The following VPS13B variants were observed in gnomAD, a reference collection of about 807,000 sequenced individuals.
VPS13B encodes intermembrane lipid transfer protein VPS13B.
In VPS13B, 285 loss-of-function variants were observed where a neutral mutation model predicts 426.4. The observed-to-expected ratio is 0.67, with a 90% CI of 0.61 to 0.74. The LOEUF (loss-of-function observed/expected upper bound fraction) is 0.74. Ranked by LOEUF, VPS13B falls within the 30% of genes least tolerant of loss-of-function variation. The pLI, the probability that VPS13B is intolerant of heterozygous loss-of-function variation, is 0.00. For synonymous variants in VPS13B, 1,676 were observed against 1,676.4 expected (o/e 1.00, Z 0.01); for missense variants, 4,537 against 4,782.6 (o/e 0.95, Z 1.51).
intron 21 of VPS13B, among the ~76,000 whole-genome samples, chr8:99,409,259 G>A (rs1815493265): frequency 6.6e-6 from 1 of 152,138 alleles, no homozygotes; most frequent in African/African-American, 2.4e-5. Flanking sequence ...GCACAGGTCT[G>A]TTTAGTGATG....
intron 23 of VPS13B, among the ~76,000 whole-genome samples, chr8:99,454,663 T>C (rs1179912314): frequency 6.6e-6 from 1 of 152,178 alleles, no homozygotes; most frequent in Non-Finnish European, 1.5e-5. Context: ...GGTACATGCA[T>C]GACTGCCAGA....
chr8:99,560,209 G>A (rs1228122651), intron 31 of VPS13B, among the ~76,000 whole-genome samples: 1 of 152,070 alleles, frequency 6.6e-6, no homozygotes, highest in Non-Finnish European at 1.5e-5. Flanking sequence ...CTCTCTGTTT[G>A]TCTGTTATTG....
chr8:99,513,394 G>A (rs936684796), intron 29 of VPS13B, among the ~76,000 whole-genome samples: 25 of 152,200 alleles, frequency 1.6e-4, no homozygotes, highest in African/African-American at 5.8e-4. Flanking sequence ...TGATATTAGA[G>A]GTGAGAGGGT....
intron 19 of VPS13B, among the ~76,000 whole-genome samples, chr8:99,361,399 A>G (rs1372144712): frequency 1.3e-5 from 2 of 152,092 alleles, no homozygotes; most frequent in Non-Finnish European, 2.9e-5. Context: ...AAACTACTCA[A>G]CTCTGCTGCT....
chr8:99,380,618 G>A (rs1326196952), intron 19 of VPS13B, among the ~76,000 whole-genome samples: 1 of 151,824 alleles, frequency 6.6e-6, no homozygotes, highest in African/African-American at 2.4e-5. Flanking sequence ...GCAAATTTTG[G>A]TTATTTGAAG....
Position 99,779,014 on chromosome 8 carries a change from A to T in VPS13B, c.7762A>T (p.Ile2588Leu). Residue 2588 changes from isoleucine (I) to leucine (L), a missense_variant, in exon 42 of 62, where the codon ATA (isoleucine) becomes TTA (leucine). This residue lies in a region of VPS13B where 4,311 missense variants were observed against 4,474.3 expected (regional missense o/e 0.96). Coordinates refer to ENST00000357162, the MANE Select transcript of VPS13B (RefSeq NM_152564.5). Reference protein sequence around the residue: ...QHVVHSLNTAIQAWQQNKCPE... With the variant: ...QHVVHSLNTALQAWQQNKCPE... ...TGTAGTCCATTCACTAAACACTGCA[A>T]TACAAGCTTGGCAACAGGTATGCAC... The T allele has an allele frequency of 6.2e-7, 1 of 1,613,538 alleles. No individual in the cohort carries two copies. The highest frequency in any genetic ancestry group is 8.5e-7 in the Non-Finnish European group (1 of 1,179,792).
intron 19 of VPS13B, among the ~76,000 whole-genome samples, chr8:99,350,738 G>A (rs1376003773): frequency 2.0e-5 from 3 of 151,964 alleles, no homozygotes; most frequent in Admixed American, 6.6e-5. Flanking sequence ...ACTGTGTGAT[G>A]GCAGGAGGTA....
At chr8:99,101,336 G>A (rs968873268) in intron 4 of VPS13B, among the ~76,000 whole-genome samples, 1 of 152,088 alleles carries the variant, frequency 6.6e-6, no homozygotes. Flanking sequence ...GTTTCACCGT[G>A]TCAGCCAGGA....
intron 3 of VPS13B, among the ~76,000 whole-genome samples, chr8:99,088,183 CA>C (rs1326004820): frequency 0.077 from 5,028 of 64,882 alleles, 61 homozygotes; most frequent in Non-Finnish European, 0.094. Flanking sequence ...GACCCTGTCT[CA>C]AAAAAAAAAA....
At chr8:99,549,960 A>C (rs1363803651) in intron 30 of VPS13B, among the ~76,000 whole-genome samples, 1 of 151,938 alleles carries the variant, frequency 6.6e-6, no homozygotes, top group Non-Finnish European at 1.5e-5. Context: ...TGTCCCTTCT[A>C]TGTGCTTCCA....
At chr8:99,696,472 C>T in intron 35 of VPS13B, 1 of 391,232 alleles carries the variant, frequency 2.6e-6, no homozygotes. Context: ...CGGATCCGCG[C>T]CGACCTCCTC....
intron 8 of VPS13B, among the ~76,000 whole-genome samples, chr8:99,130,059 A>G (rs1428970055): frequency 6.6e-6 from 1 of 152,198 alleles, no homozygotes; most frequent in Non-Finnish European, 1.5e-5. Context: ...CAAAATAGTC[A>G]TTTGTGTATA....
intron 35 of VPS13B, chr8:99,696,584 G>T: frequency 1.8e-6 from 1 of 570,182 alleles, no homozygotes; most frequent in Non-Finnish European, 3.3e-6. Flanking sequence ...CCACGTTTGA[G>T]ACCCAGTCCA....
At chr8:99,274,058 A>C in intron 17 of VPS13B, 140 bp from the exon 18 acceptor site, 1 of 1,218,718 alleles carries the variant, frequency 8.2e-7, no homozygotes, top group Non-Finnish European at 1.2e-6. Context: ...GAAATACTAA[A>C]CTATGAAACC....
rs544326668 is a variant in VPS13B, at chr8:99,800,604, T to C, written c.7942-8771T>C. ...AGTATATTAGTTTTCCCTAATTTAG[T>C]TCACTTAGATTTAATTTTTTTTTAG... On this transcript the variant is annotated intron_variant, in intron 43 of 61. Coordinates refer to ENST00000357162, the MANE Select transcript of VPS13B (RefSeq NM_152564.5). Among the ~76,000 whole-genome samples the C allele has an allele frequency of 1.6e-3, 246 of 152,266 alleles. 1 individual carries two copies. The highest frequency in any genetic ancestry group is 5.5e-3 in the African/African-American group (228 of 41,574).
rs528002940 is a variant in VPS13B at position 99,085,539 on chromosome 8, C to G, written c.292-10773C>G. Among the ~76,000 whole-genome samples the G allele has an allele frequency of 1.2e-4, 18 of 152,256 alleles. No homozygotes were observed. The South Asian group carries it at 3.5e-3, about 30-fold the overall frequency. ...TTTTGTTAGTTGATGGATTTTCTTC[C>G]TAGCATCGATGGTGTTTACAGTCTG... is the stretch of plus-strand genomic sequence containing the variant. On this transcript the variant is annotated intron_variant, in intron 3 of 61. Coordinates refer to ENST00000357162, the MANE Select transcript of VPS13B (RefSeq NM_152564.5).
intron 21 of VPS13B, among the ~76,000 whole-genome samples, chr8:99,418,602 G>T (rs532593043): frequency 6.6e-6 from 1 of 150,664 alleles, no homozygotes; most frequent in Non-Finnish European, 1.5e-5. Flanking sequence ...AGGCTGGAGT[G>T]CATTGGTCCC....
At chr8:99,185,700 A>G (rs752942499) in intron 16 of VPS13B, among the ~76,000 whole-genome samples, 6 of 152,202 alleles carry the variant, frequency 3.9e-5, no homozygotes, top group African/African-American at 1.4e-4. Flanking sequence ...TCAAGTGTAC[A>G]TATGGCAAAA....
chr8:99,803,959 C>G (rs138689860), intron 43 of VPS13B, among the ~76,000 whole-genome samples: 1 of 152,200 alleles, frequency 6.6e-6, no homozygotes, highest in East Asian at 1.9e-4. Context: ...ACTGCAGTAT[C>G]TGAATTATGA....
Sources: allele counts gnomAD v4.1 joint callset (sites outside exome capture counted in the v4.1 genomes callset), GRCh38; gene constraint gnomAD v4.1.1; regional missense constraint gnomAD v4.1.1; transcripts MANE v1.5; gene names NCBI Gene and HGNC (gene_info 2026-07-23, HGNC 2026-07-21).